GDPD2: variants seen among roughly 807,000 people sequenced by gnomAD.
GDPD2 encodes glycerophosphodiester phosphodiesterase domain containing 2.
A neutral mutation model predicts 49.2 loss-of-function variants in GDPD2; 23 were observed. That is an observed-to-expected ratio of 0.47 (90% CI 0.34 to 0.66). The LOEUF is 0.66. Among genes scored for constraint, GDPD2 ranks in the 30% least tolerant of loss-of-function variants. GDPD2 has a pLI of 0.01. For synonymous variants in GDPD2, 167 were observed against 171.4 expected (o/e 0.97, Z 0.20); for missense variants, 338 against 424.7 (o/e 0.80, Z 1.79).
chrX:70,432,285 AT>A, intron 12 of GDPD2, 21 bp from the exon 13 acceptor site: 1 of 1,193,493 alleles, frequency 8.4e-7, no homozygotes, highest in Non-Finnish European at 1.1e-6. Flanking sequence ...GACATTCCCT[AT>A]TTTCTTTCCC....
Position 70,427,613 on chromosome X carries a change from T to C in GDPD2, c.936+150T>C, listed in dbSNP as rs186287474. 3.0e-3 allele frequency: 1,342 copies of C among 446,703 alleles called. 4 individuals carry two copies. The highest frequency in any genetic ancestry group is 3.0e-3 in the Non-Finnish European group (812 of 268,842). The allele number at this position is 446,703 out of a possible 1,213,427, so 36.8% of individuals were successfully genotyped here. ...AGTCACTTCCACCTAGTAGAGAGCC[T>C]AGGCAGCAGACGATTCAGGAAACCC... is the stretch of plus-strand genomic sequence containing the variant. On this transcript the variant is annotated intron_variant, in intron 10 of 15. Coordinates refer to ENST00000374382, the MANE Select transcript of GDPD2 (RefSeq NM_017711.4).
In GDPD2 at chrX:70,427,370, A is replaced by G; in HGVS notation, c.843A>G (p.Val281=). ...AGCACCTCAGCAGGACCACGAATGT[A>G]GCCTCTGTATTCCCAACCCGAATCA... ...HDEHLSRTTN[V]ASVFPTRITA... is the part of the protein sequence containing the mutation. The change falls in exon 10 of 16, where the codon GTA becomes GTG. Residue 281 remains valine, a synonymous_variant. Coordinates refer to ENST00000374382, the MANE Select transcript of GDPD2 (RefSeq NM_017711.4). 8.3e-7 allele frequency: 1 copy of G among 1,208,758 alleles called. No individual in the cohort carries two copies. Among genetic ancestry groups the G allele is most frequent in the Non-Finnish European group, 1.1e-6 (1 of 892,787 alleles).
chrX:70,425,833 G>C lies in GDPD2; in HGVS notation c.280G>C (p.Val94Leu). 8.5e-7 allele frequency: 1 copy of C among 1,171,337 alleles called. No individual in the cohort carries two copies. Among genetic ancestry groups the C allele is most frequent in the Non-Finnish European group, 1.2e-6 (1 of 858,994 alleles). ...LAFLLVISLL[V>L]TYASLLLVLA... The stretch of plus-strand genomic sequence containing the variant: ...ATTCCTGCTGGTCATCTCTCTACTG[G>C]TCACATATGCATCCTTGCTATTGGT... The change falls in exon 4 of 16, where the codon GTC becomes CTC. Residue 94 changes from valine (V) to leucine (L), a missense_variant. Transcript: ENST00000374382.
chrX:70,423,858 G>A (rs1214101842), intron 1 of GDPD2, among the ~76,000 whole-genome samples: 1 of 111,187 alleles, frequency 9.0e-6, no homozygotes, highest in Non-Finnish European at 1.9e-5. Context: ...ATAGCCTCGG[G>A]AGAGCTCTGA....
intron 3 of GDPD2, 126 bp from the exon 4 acceptor site, chrX:70,425,637 C>A (rs1318887054): frequency 5.4e-6 from 3 of 551,222 alleles, no homozygotes; most frequent in Non-Finnish European, 9.7e-6. Context: ...TCCTTGGAGC[C>A]CCTGGCCACG....
chrX:70,426,100 A>G lies in GDPD2; in HGVS notation c.352A>G (p.Ser118Gly). The G allele has an allele frequency of 8.3e-7, 1 of 1,198,612 alleles. No homozygotes were observed. Among genetic ancestry groups the G allele is most frequent in the African/African-American group, 1.7e-5 (1 of 57,560 alleles). The change falls in exon 5 of 16, where the codon AGC becomes GGC. Residue 118 changes from serine (S) to glycine (G), a missense_variant. Around this residue, in one of 3 missense-constraint regions of GDPD2, gnomAD observed 10 missense variants for 26.7 expected, o/e 0.37. Coordinates refer to ENST00000374382, the MANE Select transcript of GDPD2 (RefSeq NM_017711.4). The stretch of plus-strand genomic sequence containing the variant: ...TTGTAGACAGCCCCTGCATCTGCAC[A>G]GCCTCCACAAGGTACAGTAGGGATG... ...RLCRQPLHLHSLHKVLLLLIM... is the reference protein window; with the variant it reads ...RLCRQPLHLHGLHKVLLLLIM...
rs1275419007 is a variant in GDPD2, at chrX:70,429,561, A to G, written c.1005A>G (p.Val335=). Residue 335 remains valine, a synonymous_variant, in exon 11 of 16, where the codon GTA becomes GTG. Coordinates refer to ENST00000374382, the MANE Select transcript of GDPD2 (RefSeq NM_017711.4). ...PDQKEAESQT[V]PALEELLEEA... ...AGAAAGAGGCTGAGAGTCAGACGGT[A>G]CCAGCATTAGAAGAGCTATTGGAGG... The G allele has an allele frequency of 8.3e-7, 1 of 1,209,001 alleles. No homozygotes were observed. Among genetic ancestry groups the G allele is most frequent in the Admixed American group, 2.2e-5 (1 of 46,079 alleles).
Position 70,426,376 on chromosome X carries a change from G to T in GDPD2, c.369G>T (p.Leu123=). The change falls in exon 6 of 16, where the codon CTG becomes CTT. Residue 123 remains leucine, a synonymous_variant. Coordinates refer to ENST00000374382, the MANE Select transcript of GDPD2 (RefSeq NM_017711.4). ...PLHLHSLHKV[L]LLLIMLLVAA... is the part of the protein sequence containing the mutation. ...ATTCATCCCTGGCCCCCCAGGTGCT[G>T]CTGCTCCTCATTATGCTGCTTGTGG... The T allele has an allele frequency of 1.7e-6, 2 of 1,211,132 alleles. No homozygotes were observed. Among genetic ancestry groups the T allele is most frequent in the Non-Finnish European group, 2.2e-6 (2 of 894,826 alleles).
rs776115679 is a variant in GDPD2 at position 70,429,841 on chromosome X, CTGTT to C, written c.1159-71_1159-68del. The stretch of plus-strand genomic sequence containing the variant: ...CACATACCCCATTCTGTGGTCAAAA[CTGTT>C]TGCCCCTGTCCCTGCCCTTGGAATC... On this transcript the variant is annotated intron_variant, in intron 11 of 15. Coordinates refer to ENST00000374382, the MANE Select transcript of GDPD2 (RefSeq NM_017711.4). 2.1e-3 allele frequency: 2,432 copies of C among 1,135,146 alleles called. 32 individuals are homozygous for C. The African/African-American group carries it at 0.038, about 18-fold the overall frequency. The allele number at this position is 1,135,146 out of a possible 1,213,427, so 93.5% of individuals were successfully genotyped here. A position where few individuals can be genotyped will look rare whatever the true frequency, so the allele number is the denominator to read the frequency against.
intron 2 of GDPD2, 39 bp from the exon 3 acceptor site, chrX:70,425,315 T>C (rs761195006): frequency 1.8e-5 from 17 of 940,117 alleles, no homozygotes; most frequent in Non-Finnish European, 2.6e-5. Flanking sequence ...GAGTTTGAAG[T>C]AGGTATTGGT....
intron 10 of GDPD2, chrX:70,427,750 G>C (rs1052784104): frequency 2.6e-5 from 6 of 234,420 alleles, no homozygotes; most frequent in African/African-American, 1.7e-4. Context: ...AACTCCTTCA[G>C]AGGGAAGAGG....
chrX:70,428,630 C>A (rs1359614403), intron 10 of GDPD2, among the ~76,000 whole-genome samples: 2 of 111,988 alleles, frequency 1.8e-5, no homozygotes, highest in Non-Finnish European at 3.8e-5. Context: ...TGGGTTTAAA[C>A]CCTGGCTATA....
rs745920396 is a variant in GDPD2 at position 70,427,428 on chromosome X, C to G, written c.901C>G (p.Leu301Val). 3.3e-6 allele frequency: 4 copies of G among 1,210,462 alleles called. No homozygotes were observed. Among genetic ancestry groups the G allele is most frequent in the Non-Finnish European group, 4.5e-6 (4 of 894,237 alleles). The part of the protein sequence containing the change: ...AHSSDFSWTE[L>V]KRLNAGSWFL... ...CAGCAGTGACTTCTCCTGGACTGAA[C>G]TGAAGAGACTCAATGCTGGATCCTG... The change falls in exon 10 of 16, where the codon CTG (leucine) becomes GTG (valine). Residue 301 changes from leucine (L) to valine (V), a missense_variant. Leu to Val is a conservative substitution (Grantham distance 32). Coordinates refer to ENST00000374382, the MANE Select transcript of GDPD2 (RefSeq NM_017711.4).
intron 12 of GDPD2, chrX:70,430,828 A>G (rs2086469244): frequency 3.4e-6 from 1 of 291,362 alleles, no homozygotes; most frequent in Non-Finnish European, 6.0e-6. Flanking sequence ...TTAGAGATAG[A>G]GTCTCACTCT....
intron 6 of GDPD2, 88 bp downstream of exon 6, chrX:70,426,557 C>T: frequency 9.6e-7 from 1 of 1,037,924 alleles, no homozygotes; most frequent in Non-Finnish European, 1.3e-6. Context: ...CCCAAGACTG[C>T]AGGTAGCTCT....
Position 70,430,091 on chromosome X carries a change from G to A in GDPD2, c.1307+28G>A, listed in dbSNP as rs1321282176. ...GAGTGCTAGAGGAAAGGAACCAAGG[G>A]GATCACATGAGGCTTAATGGCAGGG... On this transcript the variant is annotated intron_variant, in intron 12 of 15. Transcript: ENST00000374382. 3.4e-6 allele frequency: 4 copies of A among 1,160,239 alleles called. No individual in the cohort carries two copies. In the African/African-American group the frequency reaches 7.1e-5, roughly 21 times the overall value.
intron 10 of GDPD2, among the ~76,000 whole-genome samples, chrX:70,428,831 C>T (rs991438253): frequency 3.7e-4 from 42 of 112,310 alleles, no homozygotes; most frequent in African/African-American, 1.1e-3. Context: ...TGTTAGATAG[C>T]TAGCTTTATC....
chrX:70,430,103 G>A, intron 12 of GDPD2, 40 bp downstream of exon 12: 3 of 1,121,238 alleles, frequency 2.7e-6, no homozygotes, highest in South Asian at 4.1e-5. Context: ...ATCACATGAG[G>A]CTTAATGGCA....
chrX:70,424,859 T>C, intron 1 of GDPD2, 117 bp from the exon 2 acceptor site: 1 of 475,343 alleles, frequency 2.1e-6, no homozygotes, highest in Non-Finnish European at 3.6e-6. Context: ...GTGACCTCCG[T>C]TGCTGAGCAG....
Sources: gnomAD v4.1 joint callset for allele counts (sites outside exome capture counted in the v4.1 genomes callset) on GRCh38, gnomAD v4.1.1 for gene constraint, gnomAD v4.1.1 regional missense constraint, MANE v1.5 for transcripts, NCBI Gene and HGNC (gene_info 2026-07-23, HGNC 2026-07-21) for gene names.